The following WDPCP variants were observed in gnomAD, a reference collection of about 807,000 sequenced individuals.
WDPCP encodes WD repeat-containing and planar cell polarity effector protein fritz homolog.
WDPCP carries 71 observed loss-of-function variants against 93.1 expected under a neutral mutation model. The ratio of observed to expected loss-of-function variants is 0.76; its 90% confidence interval spans 0.63 to 0.93. The LOEUF (loss-of-function observed/expected upper bound fraction) is 0.93, where lower values mean the gene tolerates loss of function less well. WDPCP is among the 40% of genes least tolerant of loss of function. The probability of loss-of-function intolerance (pLI) is 0.00; values close to 1 mark genes in which losing one functional copy is unlikely to be tolerated. For missense variants in WDPCP, 844 were observed against 887.4 expected (o/e 0.95, Z 0.62); for synonymous variants, 315 against 315.0 (o/e 1.00, Z 0.00).
chr2:63,192,350 G>C (rs918463807), intron 14 of WDPCP, among the ~76,000 whole-genome samples: 2 of 151,674 alleles, frequency 1.3e-5, no homozygotes, highest in Non-Finnish European at 2.9e-5. Context: ...CCATGAAGTA[G>C]ACAAAAAAGA....
At chr2:63,137,326 T>A (rs1670692844) in intron 17 of WDPCP, among the ~76,000 whole-genome samples, 1 of 152,160 alleles carries the variant, frequency 6.6e-6, no homozygotes. Flanking sequence ...ATCAAAGATG[T>A]TGAGCATTTT....
At chr2:63,823,214 A>AC (rs1211126621) in intron 1 of WDPCP, among the ~76,000 whole-genome samples, 3 of 151,402 alleles carry the variant, frequency 2.0e-5, no homozygotes, top group Non-Finnish European at 4.4e-5. Flanking sequence ...AAAAAAAAAA[A>AC]CAAAAAACTT....
intron 10 of WDPCP, among the ~76,000 whole-genome samples, chr2:63,401,665 C>T (rs921500779): frequency 2.0e-5 from 3 of 152,058 alleles, no homozygotes; most frequent in African/African-American, 7.2e-5. Context: ...ATTAGCCAGG[C>T]ATGGTGGCAC....
intron 1 of WDPCP, among the ~76,000 whole-genome samples, chr2:63,516,587 C>G (rs898752572): frequency 1.3e-5 from 2 of 152,042 alleles, no homozygotes; most frequent in African/African-American, 4.8e-5. Context: ...GGAGGGGATG[C>G]TGGACTCTTG....
intron 1 of WDPCP, among the ~76,000 whole-genome samples, chr2:63,513,894 A>G (rs1023370592): frequency 1.3e-5 from 2 of 152,170 alleles, no homozygotes; most frequent in Admixed American, 1.3e-4. Context: ...CTTGTGTCAC[A>G]TAAGACTTTT....
At chr2:63,292,731 G>C (rs746367480) in intron 13 of WDPCP, among the ~76,000 whole-genome samples, 12 of 152,108 alleles carry the variant, frequency 7.9e-5, no homozygotes, top group Non-Finnish European at 1.0e-4. Context: ...CTGATCTCTG[G>C]GAAGATGACA....
intron 14 of WDPCP, among the ~76,000 whole-genome samples, chr2:63,224,077 T>C (rs1369416601): frequency 6.6e-6 from 1 of 152,054 alleles, no homozygotes; most frequent in African/African-American, 2.4e-5. Context: ...AATACTGTTA[T>C]AGGCCTAAAG....
rs560757793 is a variant in WDPCP at position 63,267,816 on chromosome 2, A to G, written c.1813-8407T>C. On this transcript the variant is annotated intron_variant, in intron 13 of 17. Coordinates refer to ENST00000272321, the MANE Select transcript of WDPCP (RefSeq NM_015910.7). ...AGAATAGCTACTAATGTCAAAAAAG[A>G]AAAAAAGAACAAGTGTTGGTGAGGA... Among the ~76,000 whole-genome samples the G allele has an allele frequency of 1.3e-3, 197 of 152,302 alleles. 2 individuals carry two copies. The highest frequency in any genetic ancestry group is 4.3e-3 in the African/African-American group (180 of 41,578).
chr2:63,757,600 C>T (rs1669988004), intron 2 of WDPCP, among the ~76,000 whole-genome samples: 1 of 152,170 alleles, frequency 6.6e-6, no homozygotes. Context: ...GCAAATCAAA[C>T]ATTTGGTGAC....
At chr2:63,561,007 C>T (rs1047719312) in intron 1 of WDPCP, among the ~76,000 whole-genome samples, 4 of 152,204 alleles carry the variant, frequency 2.6e-5, no homozygotes, top group Non-Finnish European at 4.4e-5. Context: ...AGAGAACTGG[C>T]TAGCCATATG....
intron 2 of WDPCP, among the ~76,000 whole-genome samples, chr2:63,676,053 T>C (rs1336921170): frequency 2.0e-5 from 3 of 152,150 alleles, no homozygotes; most frequent in Non-Finnish European, 4.4e-5. Context: ...TTAGATAGAG[T>C]TCTATCTTTG....
chr2:63,301,975 C>G (rs1685366630), intron 13 of WDPCP, among the ~76,000 whole-genome samples: 1 of 152,080 alleles, frequency 6.6e-6, no homozygotes, highest in Non-Finnish European at 1.5e-5. Context: ...CAAAATCAAC[C>G]TAGTGCTTTT....
intron 14 of WDPCP, among the ~76,000 whole-genome samples, chr2:63,184,990 G>A (rs1054073449): frequency 5.9e-5 from 9 of 151,850 alleles, no homozygotes; most frequent in Non-Finnish European, 1.2e-4. Flanking sequence ...TATCTAGTCA[G>A]TTATTGACCC....
intron 3 of WDPCP, among the ~76,000 whole-genome samples, chr2:63,610,751 A>G (rs1709605561): frequency 6.6e-6 from 1 of 152,144 alleles, no homozygotes; most frequent in Non-Finnish European, 1.5e-5. Context: ...ATTATAACAC[A>G]CTGTTCTGCA....
intron 2 of WDPCP, among the ~76,000 whole-genome samples, chr2:63,803,991 A>G (rs970018824): frequency 1.3e-5 from 2 of 152,174 alleles, no homozygotes; most frequent in Non-Finnish European, 2.9e-5. Context: ...CATGTGATAG[A>G]CTGAGAAAAA....
At chr2:63,630,852 A>C (rs531523088) in intron 3 of WDPCP, among the ~76,000 whole-genome samples, 206 of 152,330 alleles carry the variant, frequency 1.4e-3, no homozygotes, top group African/African-American at 4.2e-3. Context: ...TAGGCAATAA[A>C]ACAAACCTCA....
intron 1 of WDPCP, among the ~76,000 whole-genome samples, chr2:63,498,797 TAAGA>T (rs1313499148): frequency 6.6e-6 from 1 of 152,126 alleles, no homozygotes; most frequent in Non-Finnish European, 1.5e-5. Flanking sequence ...AAGAAAGAAT[TAAGA>T]AATAGAAGAC....
At chr2:63,135,088 A>G (rs898522222) in intron 17 of WDPCP, among the ~76,000 whole-genome samples, 1 of 152,118 alleles carries the variant, frequency 6.6e-6, no homozygotes, top group African/African-American at 2.4e-5. Flanking sequence ...GCACCACTGC[A>G]CTCCAGCCTG....
At chr2:63,168,314 A>C (rs969201863) in intron 15 of WDPCP, among the ~76,000 whole-genome samples, 5 of 151,726 alleles carry the variant, frequency 3.3e-5, no homozygotes, top group African/African-American at 1.2e-4. Flanking sequence ...TTGGGCTTGA[A>C]TTCTGTAATT....
Sources: allele counts gnomAD v4.1 joint callset (sites outside exome capture counted in the v4.1 genomes callset), GRCh38; gene constraint gnomAD v4.1.1; transcripts MANE v1.5; gene names NCBI Gene and HGNC (gene_info 2026-07-23, HGNC 2026-07-21).